SCAPER: variants seen among roughly 807,000 people sequenced by gnomAD.
The protein encoded by SCAPER is S-phase cyclin A associated protein in the ER, also known as S phase cyclin A-associated protein in the endoplasmic reticulum.
Under a neutral mutation model 182.2 loss-of-function variants are expected in SCAPER, and 98 were observed. The observed-to-expected ratio is 0.54, with a 90% CI of 0.46 to 0.64. The LOEUF (loss-of-function observed/expected upper bound fraction) is 0.64, where lower values mean the gene tolerates loss of function less well. Ranked by LOEUF, SCAPER falls within the 30% of genes least tolerant of loss-of-function variation. SCAPER has a pLI of 0.00. For missense variants in SCAPER, 1,432 were observed against 1,690.0 expected (o/e 0.85, Z 2.68); for synonymous variants, 605 against 564.6 (o/e 1.07, Z -1.01).
intron 23 of SCAPER, among the ~76,000 whole-genome samples, chr15:76,514,173 A>G (rs2042251199): frequency 2.6e-5 from 4 of 152,206 alleles, no homozygotes; most frequent in Admixed American, 2.6e-4. Flanking sequence ...GACATATGAA[A>G]CTGGAAAAAA....
chr15:76,735,201 T>C (rs1211956137), intron 15 of SCAPER, among the ~76,000 whole-genome samples: 1 of 151,348 alleles, frequency 6.6e-6, no homozygotes, highest in African/African-American at 2.4e-5. Context: ...TATATACAGA[T>C]AGATAGATAT....
Position 76,397,103 on chromosome 15 carries a change from T to C in SCAPER, c.3467+7421A>G, listed in dbSNP as rs564744226. On this transcript the variant is annotated intron_variant, in intron 27 of 31. Coordinates refer to ENST00000563290, the MANE Select transcript of SCAPER (RefSeq NM_020843.4). ...GAAATGATCATTTAGTTTTTGTCCTTCATTCTGTTGATAATGATGTATCAC... is the reference window on the plus strand; with the variant it reads ...GAAATGATCATTTAGTTTTTGTCCTCCATTCTGTTGATAATGATGTATCAC... 4.6e-5 allele frequency among the ~76,000 whole-genome samples: 7 copies of C among 152,166 alleles called. No individual in the cohort carries two copies. In the East Asian group the frequency reaches 1.4e-3, roughly 29 times the overall value.
intron 21 of SCAPER, among the ~76,000 whole-genome samples, chr15:76,632,188 G>A (rs575127560): frequency 6.6e-6 from 1 of 151,906 alleles, no homozygotes; most frequent in African/African-American, 2.4e-5. Flanking sequence ...CTCCGGTAAC[G>A]GTTTTTTGTT....
At position 76,653,707 on chromosome 15, in the gene SCAPER, C is replaced by T. The variant is rs888237405; in HGVS notation, c.2645+11946G>A. 5.9e-5 allele frequency among the ~76,000 whole-genome samples: 9 copies of T among 152,298 alleles called. No homozygotes were observed. The East Asian group carries it at 1.5e-3, about 26-fold the overall frequency. Reference sequence around the variant, plus strand: ...ACTTTTCACCAGATACAAAAATTGACTCAAGTGAATTAAAGATTGAAAAGT... The same window carrying T: ...ACTTTTCACCAGATACAAAAATTGATTCAAGTGAATTAAAGATTGAAAAGT... On this transcript the variant is annotated intron_variant, in intron 21 of 31. Transcript: ENST00000563290.
chr15:76,493,689 G>C (rs1324465570), intron 24 of SCAPER, among the ~76,000 whole-genome samples: 1 of 152,178 alleles, frequency 6.6e-6, no homozygotes, highest in African/African-American at 2.4e-5. Context: ...GTAAGATCTG[G>C]TTATGTAATT....
rs1347615146 is a variant in SCAPER at position 76,602,315 on chromosome 15, C to T, written c.2711+19449G>A. Among the ~76,000 whole-genome samples, 3 of 121,216 alleles carry T rather than the reference C, an allele frequency of 2.5e-5. 1 individual carries two copies. The highest frequency in any genetic ancestry group is 7.5e-5 in the African/African-American group (3 of 39,778). 79.5% of individuals were successfully genotyped at this position (121,216 alleles called of 152,430 possible). On this transcript the variant is annotated intron_variant, in intron 22 of 31. Coordinates refer to ENST00000563290, the MANE Select transcript of SCAPER (RefSeq NM_020843.4). ...TCCTGCAAGGCAAGTCTAATAGCAA[C>T]AATTCCCTCAATTTAGTTTATCTGA...
At chr15:76,471,582 T>C (rs1183307178) in intron 24 of SCAPER, among the ~76,000 whole-genome samples, 1 of 152,222 alleles carries the variant, frequency 6.6e-6, no homozygotes, top group Non-Finnish European at 1.5e-5. Flanking sequence ...CAGTTGCAGA[T>C]AATGGAAACA....
intron 24 of SCAPER, among the ~76,000 whole-genome samples, chr15:76,488,905 TAG>T (rs2051981656): frequency 6.6e-6 from 1 of 150,794 alleles, no homozygotes; most frequent in African/African-American, 2.4e-5. Context: ...GTATTTTTAG[TAG>T]AGATAGGGTT....
intron 26 of SCAPER, among the ~76,000 whole-genome samples, chr15:76,430,462 C>A (rs944508154): frequency 2.0e-4 from 30 of 152,220 alleles, no homozygotes; most frequent in African/African-American, 7.2e-4. Flanking sequence ...ACAGGCAGAG[C>A]CGCCCAACAC....
At chr15:76,650,091 T>C (rs2054893025) in intron 21 of SCAPER, among the ~76,000 whole-genome samples, 1 of 152,160 alleles carries the variant, frequency 6.6e-6, no homozygotes. Context: ...TGTTGCAAGG[T>C]TCTACAATAG....
intron 4 of SCAPER, 36 bp downstream of exon 4, chr15:76,857,772 TA>T: frequency 1.6e-6 from 2 of 1,258,110 alleles, no homozygotes; most frequent in Non-Finnish European, 2.2e-6. Context: ...AAATTGAAAT[TA>T]AAAGTAAATA....
At chr15:76,564,811 C>A (rs146641792) in intron 23 of SCAPER, among the ~76,000 whole-genome samples, 1 of 151,924 alleles carries the variant, frequency 6.6e-6, no homozygotes, top group Admixed American at 6.6e-5. Context: ...GGTACTGGTA[C>A]GAAAACAGAC....
intron 20 of SCAPER, among the ~76,000 whole-genome samples, chr15:76,673,494 G>C (rs2057167821): frequency 6.6e-6 from 1 of 152,028 alleles, no homozygotes; most frequent in Non-Finnish European, 1.5e-5. Flanking sequence ...TGTTGGGCAG[G>C]ATAGAGTAAA....
At chr15:76,773,750 C>T (rs1410655258) in intron 9 of SCAPER, among the ~76,000 whole-genome samples, 1 of 151,684 alleles carries the variant, frequency 6.6e-6, no homozygotes, top group African/African-American at 2.4e-5. Context: ...GCATTTCCAG[C>T]TGAAAAAATC....
chr15:76,636,255 C>T (rs1266819706), intron 21 of SCAPER, among the ~76,000 whole-genome samples: 2 of 152,178 alleles, frequency 1.3e-5, no homozygotes, highest in African/African-American at 4.8e-5. Context: ...CCTCCATCAT[C>T]TCCAGTGAGA....
chr15:76,882,047 A>G (rs2151953818), intron 2 of SCAPER, among the ~76,000 whole-genome samples: 1 of 152,326 alleles, frequency 6.6e-6, no homozygotes, highest in South Asian at 2.1e-4. Flanking sequence ...CAAAGGAAAA[A>G]GAATTCCCTA....
chr15:76,476,288 C>T (rs1430532353), intron 24 of SCAPER, among the ~76,000 whole-genome samples: 1 of 152,210 alleles, frequency 6.6e-6, no homozygotes, highest in East Asian at 1.9e-4. Context: ...GCATTAGCCA[C>T]ACATTTACTT....
At chr15:76,873,099 A>T (rs963817555) in intron 2 of SCAPER, among the ~76,000 whole-genome samples, 1 of 151,578 alleles carries the variant, frequency 6.6e-6, no homozygotes, top group Non-Finnish European at 1.5e-5. Flanking sequence ...AAAAAAAAAA[A>T]AAAAATTAAG....
chr15:76,751,485 A>G (rs759348054), intron 15 of SCAPER, among the ~76,000 whole-genome samples: 3 of 151,810 alleles, frequency 2.0e-5, no homozygotes, highest in Non-Finnish European at 4.4e-5. Context: ...ACTTACAACA[A>G]AACTACAATC....
Sources: allele counts gnomAD v4.1 joint callset (sites outside exome capture counted in the v4.1 genomes callset), GRCh38; gene constraint gnomAD v4.1.1; transcripts MANE v1.5; gene names NCBI Gene and HGNC (gene_info 2026-07-23, HGNC 2026-07-21).